TRIM75: variants seen among roughly 807,000 people sequenced by gnomAD.
TRIM75 encodes tripartite motif containing 75.
chr4:165,057,941 CT>C, the TRIM75 span, among the ~76,000 whole-genome samples: 2 of 151,996 alleles, frequency 1.3e-5, no homozygotes, highest in Non-Finnish European at 2.9e-5. Context: ...CAGTTTTTGT[CT>C]TTTTATTTTC....
At chr4:165,059,942 G>C in the TRIM75 span, 1 of 779,654 alleles carries the variant, frequency 1.3e-6, no homozygotes, top group Admixed American at 1.7e-5. Context: ...GTAGCCCATC[G>C]ATCTTTTCAA....
chr4:165,059,206 T>C, the TRIM75 span: 1 of 780,232 alleles, frequency 1.3e-6, no homozygotes, highest in Non-Finnish European at 2.4e-6. Flanking sequence ...TCCATCTGTC[T>C]GGATTACCTG....
At chr4:165,058,959 C>T in the TRIM75 span, among the ~76,000 whole-genome samples, 1 of 152,022 alleles carries the variant, frequency 6.6e-6, no homozygotes, top group African/African-American at 2.4e-5. Flanking sequence ...ATTAAAGGGT[C>T]CGAAGATTCA....
the TRIM75 span, among the ~76,000 whole-genome samples, chr4:165,054,434 A>AT: frequency 6.6e-6 from 1 of 151,804 alleles, no homozygotes; most frequent in East Asian, 1.9e-4. Context: ...TGCCCAGCTA[A>AT]TTTTTTGTAT....
At chr4:165,059,364 A>G in the TRIM75 span, 1 of 780,582 alleles carries the variant, frequency 1.3e-6, no homozygotes, top group Non-Finnish European at 2.4e-6. Context: ...CCAGCTGGGA[A>G]GGATGATTGA....
chr4:165,059,280 C>T, the TRIM75 span: 2 of 780,474 alleles, frequency 2.6e-6, no homozygotes, highest in Non-Finnish European at 4.8e-6. Flanking sequence ...ACAGTCCTGG[C>T]TGGATCTACA....
At chr4:165,059,011 A>G in the TRIM75 span, 1 of 601,834 alleles carries the variant, frequency 1.7e-6, no homozygotes, top group Non-Finnish European at 3.0e-6. Flanking sequence ...AATCAGTGGG[A>G]CTGTAGTGAG....
the TRIM75 span, among the ~76,000 whole-genome samples, chr4:165,054,461 G>A: frequency 6.6e-6 from 1 of 152,022 alleles, no homozygotes; most frequent in Non-Finnish European, 1.5e-5. Context: ...TAGAAACAGG[G>A]TTTCACCATG....
At chr4:165,058,140 A>T in the TRIM75 span, among the ~76,000 whole-genome samples, 2 of 151,986 alleles carry the variant, frequency 1.3e-5, no homozygotes, top group African/African-American at 4.8e-5. Context: ...AATTTGGTAG[A>T]TGTGATTTTG....
At chr4:165,054,657 C>T in the TRIM75 span, among the ~76,000 whole-genome samples, 1 of 152,148 alleles carries the variant, frequency 6.6e-6, no homozygotes, top group Non-Finnish European at 1.5e-5. Flanking sequence ...GCCTCGGCCT[C>T]CCAAAGTGCT....
At chr4:165,060,503 A>G in the TRIM75 span, 10 of 778,616 alleles carry the variant, frequency 1.3e-5, 1 homozygote, top group East Asian at 2.4e-4. Flanking sequence ...ATTTCTATGT[A>G]GGACCAGATT....
chr4:165,060,131 C>T, the TRIM75 span: 2 of 780,876 alleles, frequency 2.6e-6, no homozygotes, highest in Admixed American at 1.7e-5. Context: ...TTCCTGGTTT[C>T]CCAAAAAGAT....
chr4:165,058,205 T>C, the TRIM75 span, among the ~76,000 whole-genome samples: 2 of 152,148 alleles, frequency 1.3e-5, no homozygotes, highest in Non-Finnish European at 2.9e-5. Flanking sequence ...TCTCACTCTG[T>C]CACCCAGGCT....
At chr4:165,056,641 GTC>G in the TRIM75 span, among the ~76,000 whole-genome samples, 1 of 107,140 alleles carries the variant, frequency 9.3e-6, no homozygotes, top group African/African-American at 3.5e-5. Context: ...TTGAGACAGA[GTC>G]TCGCTCTGTT....
chr4:165,060,361 T>C, the TRIM75 span: 1 of 780,940 alleles, frequency 1.3e-6, no homozygotes, highest in Non-Finnish European at 2.4e-6. Flanking sequence ...ACCCCTCTGT[T>C]GTTAGAGGTG....
the TRIM75 span, among the ~76,000 whole-genome samples, chr4:165,058,449 A>G: frequency 6.6e-6 from 1 of 152,164 alleles, no homozygotes; most frequent in African/African-American, 2.4e-5. Context: ...GGAGATTGTC[A>G]TTATTTACCT....
chr4:165,059,123 G>A, the TRIM75 span: 3 of 743,514 alleles, frequency 4.0e-6, no homozygotes, highest in Non-Finnish European at 7.5e-6. Context: ...AGCCCACCTT[G>A]GTCGAGACCT....
chr4:165,059,306 C>A, the TRIM75 span: 2 of 780,328 alleles, frequency 2.6e-6, no homozygotes, highest in African/African-American at 3.4e-5. Flanking sequence ...TGTTCCCTTG[C>A]CCTGTCTGTC....
chr4:165,059,275 C>A, the TRIM75 span: 5 of 780,506 alleles, frequency 6.4e-6, no homozygotes, highest in East Asian at 2.4e-5. Context: ...ATCCAACAGT[C>A]CTGGCTGGAT....
Sources: allele counts gnomAD v4.1 joint callset (sites outside exome capture counted in the v4.1 genomes callset), GRCh38; gene constraint gnomAD v4.1.1; transcripts MANE v1.5; gene names NCBI Gene and HGNC (gene_info 2026-07-23, HGNC 2026-07-21).